The following JAK1 variants were observed in gnomAD, a reference collection of about 807,000 sequenced individuals.
The protein encoded by JAK1 is tyrosine-protein kinase JAK1.
A neutral mutation model predicts 136.6 loss-of-function variants in JAK1; 16 were observed. The observed-to-expected ratio is 0.12, with a 90% CI of 0.08 to 0.18. The LOEUF (loss-of-function observed/expected upper bound fraction) is 0.18. Among genes scored for constraint, JAK1 ranks in the 10% least tolerant of loss-of-function variants. The pLI is 1.00. For synonymous variants in JAK1, 492 were observed against 519.5 expected, an observed-to-expected ratio of 0.95 and a Z score of 0.72; for missense variants, 859 against 1,450.1, an observed-to-expected ratio of 0.59 and a Z score of 6.62.
At chr1:64,962,885 T>C (rs12142901) in intron 1 of JAK1, among the ~76,000 whole-genome samples, 9,786 of 152,106 alleles carry the variant, frequency 0.064, 423 homozygotes, top group Admixed American at 0.14. Context: ...CTGGCCAACA[T>C]GGTGAAATCC....
At chr1:64,843,781 CATCT>C (rs1325120497) in intron 17 of JAK1, among the ~76,000 whole-genome samples, 1 of 152,176 alleles carries the variant, frequency 6.6e-6, no homozygotes, top group Non-Finnish European at 1.5e-5. Context: ...AATACTATAA[CATCT>C]ATCGAGCTTG....
Position 64,886,097 on chromosome 1 carries a change from T to G in JAK1, c.6+162A>C, listed in dbSNP as rs530721237. Among the ~76,000 whole-genome samples, 4 of 152,154 alleles carry G rather than the reference T, an allele frequency of 2.6e-5. No individual in the cohort carries two copies. The South Asian group carries it at 8.3e-4, about 32-fold the overall frequency. On this transcript the variant is annotated intron_variant, in intron 2 of 24. Coordinates refer to ENST00000342505, the MANE Select transcript of JAK1 (RefSeq NM_002227.4). Reference sequence around the variant, plus strand: ...CCTCCTATACTTTTGTATTTGAGGTTTTTTTTAACCAGCATACTCAACATT... The same window carrying G: ...CCTCCTATACTTTTGTATTTGAGGTGTTTTTTAACCAGCATACTCAACATT...
chr1:65,048,781 T>C (rs1397171218), intron 1 of JAK1, among the ~76,000 whole-genome samples: 2 of 152,200 alleles, frequency 1.3e-5, no homozygotes, highest in Non-Finnish European at 2.9e-5. Flanking sequence ...GTCCCTTTGC[T>C]TCTTACCACT....
intron 2 of JAK1, among the ~76,000 whole-genome samples, chr1:65,043,513 A>ATT (rs1647153877): frequency 6.6e-6 from 1 of 152,132 alleles, no homozygotes; most frequent in South Asian, 2.1e-4. Context: ...ATAGCATATG[A>ATT]TTATATATAT....
At chr1:64,969,358 C>CT (rs893406845), upstream of JAK1, among the ~76,000 whole-genome samples, 2 of 152,000 alleles carry the variant, frequency 1.3e-5, no homozygotes, top group African/African-American at 4.8e-5. Flanking sequence ...TCTCTGACCT[C>CT]TGACTACTAG....
At chr1:65,056,786 T>C (rs1239350956) in intron 1 of JAK1, among the ~76,000 whole-genome samples, 1 of 152,004 alleles carries the variant, frequency 6.6e-6, no homozygotes, top group Non-Finnish European at 1.5e-5. Flanking sequence ...TACATGGGCA[T>C]GGTGGTGCAC....
At chr1:64,970,761 C>CAAA (rs397862455), upstream of JAK1, among the ~76,000 whole-genome samples, 7 of 91,214 alleles carry the variant, frequency 7.7e-5, 1 homozygote, top group Admixed American at 1.0e-4. Context: ...GACTCTGTCT[C>CAAA]AAAAAAAAAA....
chr1:64,952,662 G>A (rs774907402), intron 1 of JAK1, among the ~76,000 whole-genome samples: 15 of 152,084 alleles, frequency 9.9e-5, no homozygotes, highest in African/African-American at 2.4e-4. Flanking sequence ...CAACTAACAC[G>A]GGACCAAAGA....
rs115381668 is a variant in JAK1 at position 65,001,730 on chromosome 1, A to G, written c.-78+42750T>C. 2.3e-3 allele frequency among the ~76,000 whole-genome samples: 340 copies of G among 148,460 alleles called. 4 individuals are homozygous for G. The highest frequency in any genetic ancestry group is 8.1e-3 in the African/African-American group (326 of 40,124). On this transcript the variant is annotated intron_variant, in intron 2 of 25. Coordinates refer to the JAK1 transcript ENST00000671954. ...GGCAGCAAGTGTGTGTGCGTGTGGT[A>G]TGTGTGTTTGAGGGGCAGCAAGTGT... is the stretch of plus-strand genomic sequence containing the variant.
intron 2 of JAK1, among the ~76,000 whole-genome samples, chr1:65,018,497 C>CACACACACAA (rs1646909882): frequency 6.6e-6 from 1 of 151,208 alleles, no homozygotes; most frequent in African/African-American, 2.4e-5. Flanking sequence ...AACACACACA[C>CACACACACAA]ACACACACAC....
At position 65,061,220 on chromosome 1, in the gene JAK1, A is replaced by G. The variant is rs532039598; in HGVS notation, c.-181+6384T>C. 6.5e-4 allele frequency among the ~76,000 whole-genome samples: 99 copies of G among 152,194 alleles called. 2 individuals are homozygous for G. The South Asian group carries it at 0.013, about 20-fold the overall frequency. ...GATTGCTGGAATCCAGGAGTTCAAGACCAGCCTGGGCAACATAGTGGAAGC... is the reference window on the plus strand; with the variant it reads ...GATTGCTGGAATCCAGGAGTTCAAGGCCAGCCTGGGCAACATAGTGGAAGC... On this transcript the variant is annotated intron_variant, in intron 1 of 25. Transcript: ENST00000671954.
At chr1:64,928,287 A>G (rs2100420850) in intron 1 of JAK1, among the ~76,000 whole-genome samples, 1 of 152,358 alleles carries the variant, frequency 6.6e-6, no homozygotes, top group East Asian at 1.9e-4. Flanking sequence ...AGAGCAGAGA[A>G]GCCTGAAAGT....
intron 2 of JAK1, among the ~76,000 whole-genome samples, chr1:64,982,006 C>T (rs1170107884): frequency 1.3e-5 from 2 of 152,134 alleles, no homozygotes; most frequent in Non-Finnish European, 2.9e-5. Context: ...GAACAAGTGG[C>T]TTCACCTTTC....
At chr1:64,837,615 AC>A (rs1158500766) in intron 22 of JAK1, among the ~76,000 whole-genome samples, 1 of 152,200 alleles carries the variant, frequency 6.6e-6, no homozygotes, top group African/African-American at 2.4e-5. Context: ...CCACCTGCTC[AC>A]AGTTTTAAGA....
At chr1:64,893,122 G>A (rs1644964293) in intron 1 of JAK1, among the ~76,000 whole-genome samples, 1 of 152,034 alleles carries the variant, frequency 6.6e-6, no homozygotes, top group South Asian at 2.1e-4. Context: ...AAAGAGAGAG[G>A]AAAGGTACAG....
intron 2 of JAK1, among the ~76,000 whole-genome samples, chr1:65,010,703 A>G (rs2100769369): frequency 6.6e-6 from 1 of 152,368 alleles, no homozygotes; most frequent in African/African-American, 2.4e-5. Context: ...ATAGGTGGCC[A>G]GGCATGGTGG....
intron 17 of JAK1, among the ~76,000 whole-genome samples, chr1:64,842,304 T>A (rs1654956131): frequency 6.6e-6 from 1 of 152,228 alleles, no homozygotes; most frequent in African/African-American, 2.4e-5. Flanking sequence ...AGTTTCATTT[T>A]AAAAATTTTC....
chr1:64,858,112 G>A (rs973335983), intron 9 of JAK1, among the ~76,000 whole-genome samples: 87 of 152,226 alleles, frequency 5.7e-4, no homozygotes, highest in African/African-American at 2.0e-3. Context: ...CATCTGCCAC[G>A]CCTCCCCTCC....
intron 21 of JAK1, 121 bp downstream of exon 21, chr1:64,838,344 C>G: frequency 9.3e-7 from 1 of 1,077,612 alleles, no homozygotes; most frequent in Non-Finnish European, 1.3e-6. Flanking sequence ...CTAAATAATG[C>G]AGAGAAAAAC....
Sources: gnomAD v4.1 joint callset for allele counts (sites outside exome capture counted in the v4.1 genomes callset) on GRCh38, gnomAD v4.1.1 for gene constraint, MANE v1.5 for transcripts, NCBI Gene and HGNC (gene_info 2026-07-23, HGNC 2026-07-21) for gene names.